The following LRRIQ3 variants were observed in gnomAD, a reference collection of about 807,000 sequenced individuals.
The protein encoded by LRRIQ3 is leucine rich repeats and IQ motif containing 3.
In LRRIQ3, 75 loss-of-function variants were observed where a neutral mutation model predicts 59.3. The ratio of observed to expected loss-of-function variants is 1.26; its 90% CI spans 1.05 to 1.53. LRRIQ3 has a LOEUF of 1.53. Among genes scored for constraint, LRRIQ3 ranks in the 40% most tolerant of loss-of-function variants. The pLI is 0.00. For missense variants in LRRIQ3, 831 were observed against 710.0 expected (o/e 1.17, Z -1.94); for synonymous variants, 250 against 231.3 (o/e 1.08, Z -0.73).
intron 4 of LRRIQ3, chr1:74,144,506 C>T (rs1348747907): frequency 7.2e-6 from 2 of 277,982 alleles, no homozygotes; most frequent in Non-Finnish European, 1.4e-5. Context: ...TTCTTGGACA[C>T]ATCTTCAAGC....
chr1:74,111,642 A>T (rs1016257829), intron 4 of LRRIQ3, among the ~76,000 whole-genome samples: 1 of 152,072 alleles, frequency 6.6e-6, no homozygotes, highest in African/African-American at 2.4e-5. Context: ...ATCTCTGGAA[A>T]TTGTCCAAAG....
intron 3 of LRRIQ3, among the ~76,000 whole-genome samples, chr1:74,162,995 G>C (rs1648750053): frequency 6.6e-6 from 1 of 151,552 alleles, no homozygotes; most frequent in African/African-American, 2.4e-5. Flanking sequence ...AAGGAAGATA[G>C]TGAATGTTCC....
At chr1:74,116,887 C>A (rs1169303839) in intron 4 of LRRIQ3, among the ~76,000 whole-genome samples, 1 of 151,902 alleles carries the variant, frequency 6.6e-6, no homozygotes, top group African/African-American at 2.4e-5. Context: ...TATAAAGACC[C>A]ATAATTCAAA....
At chr1:74,052,801 T>A (rs1654407672) in intron 6 of LRRIQ3, among the ~76,000 whole-genome samples, 1 of 152,186 alleles carries the variant, frequency 6.6e-6, no homozygotes, top group African/African-American at 2.4e-5. Context: ...TAATGTGTAT[T>A]ATATCTGACT....
intron 5 of LRRIQ3, among the ~76,000 whole-genome samples, chr1:74,095,640 A>G (rs1217535790): frequency 2.6e-5 from 4 of 152,114 alleles, no homozygotes; most frequent in Admixed American, 2.6e-4. Flanking sequence ...TTTTTTATGT[A>G]GACAGTATAT....
At chr1:74,184,072 T>C (rs1274666160) in intron 1 of LRRIQ3, among the ~76,000 whole-genome samples, 2 of 152,052 alleles carry the variant, frequency 1.3e-5, no homozygotes, top group African/African-American at 4.8e-5. Context: ...AAATATACTG[T>C]TAAAGAAATA....
chr1:74,071,014 T>C (rs1030346237), intron 6 of LRRIQ3, among the ~76,000 whole-genome samples: 2 of 127,410 alleles, frequency 1.6e-5, no homozygotes, highest in Admixed American at 8.3e-5. Flanking sequence ...GTCTTTGCTA[T>C]ATATACATAT....
At chr1:74,164,166 T>G (rs2100685701) in intron 3 of LRRIQ3, among the ~76,000 whole-genome samples, 1 of 151,474 alleles carries the variant, frequency 6.6e-6, no homozygotes, top group South Asian at 2.1e-4. Context: ...GTATACATTT[T>G]CTATATACTA....
chr1:74,056,997 C>A (rs1200725548), intron 6 of LRRIQ3, among the ~76,000 whole-genome samples: 1 of 152,124 alleles, frequency 6.6e-6, no homozygotes, highest in Non-Finnish European at 1.5e-5. Flanking sequence ...TAAGATGTAC[C>A]TTGCTTCCCC....
chr1:74,183,476 C>T lies in LRRIQ3; in HGVS notation c.209G>A (p.Ser70Asn), dbSNP rs375800779. 1.9e-6 allele frequency: 3 copies of T among 1,605,828 alleles called. No homozygotes were observed. Among genetic ancestry groups the T allele is most frequent in the Non-Finnish European group, 2.6e-6 (3 of 1,175,780 alleles). The change falls in exon 2 of 8, where the codon AGT becomes AAT. Residue 70 changes from serine (S) to asparagine (N), a missense_variant. Ser to Asn is a conservative substitution (Grantham distance 46). Coordinates refer to ENST00000354431, the MANE Select transcript of LRRIQ3 (RefSeq NM_001105659.2). ...ATCAAGTTTGATTAATTTTATACAA[C>T]TTTGAAGTGGATGAATATCTGTAAT... ...NFITDIHPLQ[S>N]CIKLIKLDLH...
At chr1:74,149,918 A>C (rs1194908979) in intron 4 of LRRIQ3, among the ~76,000 whole-genome samples, 1 of 152,236 alleles carries the variant, frequency 6.6e-6, no homozygotes, top group African/African-American at 2.4e-5. Flanking sequence ...TACAGGTGAC[A>C]AAGTGATCAG....
intron 6 of LRRIQ3, among the ~76,000 whole-genome samples, chr1:74,054,992 T>G (rs1258817302): frequency 6.8e-6 from 1 of 147,438 alleles, no homozygotes; most frequent in Non-Finnish European, 1.5e-5. Flanking sequence ...TATATAAAAT[T>G]TAAAAATATA....
At chr1:74,056,671 T>G (rs1654544387) in intron 6 of LRRIQ3, among the ~76,000 whole-genome samples, 1 of 151,974 alleles carries the variant, frequency 6.6e-6, no homozygotes, top group African/African-American at 2.4e-5. Flanking sequence ...AAGAAAATAT[T>G]TATATAACAT....
intron 4 of LRRIQ3, among the ~76,000 whole-genome samples, chr1:74,154,306 A>G (rs1171212783): frequency 6.7e-6 from 1 of 148,866 alleles, no homozygotes; most frequent in Non-Finnish European, 1.5e-5. Flanking sequence ...GTCAGGTGCT[A>G]AGAGCATTAT....
chr1:74,180,201 T>C (rs1649895262), intron 3 of LRRIQ3: 1 of 151,834 alleles, frequency 6.6e-6, no homozygotes, highest in African/African-American at 2.4e-5. Flanking sequence ...TGTTTTTTTC[T>C]TTTCTATTTA....
chr1:74,126,830 T>G (rs927604335), intron 4 of LRRIQ3, among the ~76,000 whole-genome samples: 2 of 151,984 alleles, frequency 1.3e-5, no homozygotes, highest in Non-Finnish European at 2.9e-5. Context: ...CAGCAGCCAC[T>G]GGATGAAATG....
intron 3 of LRRIQ3, among the ~76,000 whole-genome samples, chr1:74,170,604 C>T (rs1459345054): frequency 6.6e-6 from 1 of 151,996 alleles, no homozygotes; most frequent in East Asian, 1.9e-4. Context: ...AGTGTGATGC[C>T]TCCAGCTTTA....
At chr1:74,074,903 A>G (rs921062451) in intron 5 of LRRIQ3, 113 bp from the exon 6 acceptor site, 1 of 518,494 alleles carries the variant, frequency 1.9e-6, no homozygotes, top group Non-Finnish European at 3.0e-6. Flanking sequence ...TTAAAACATG[A>G]AAACAAAAAC....
At chr1:74,154,073 C>A (rs902635837) in intron 4 of LRRIQ3, among the ~76,000 whole-genome samples, 5 of 151,660 alleles carry the variant, frequency 3.3e-5, no homozygotes, top group African/African-American at 1.2e-4. Context: ...AACCCCGTCT[C>A]TACTAAAAAT....
Sources: gnomAD v4.1 joint callset for allele counts (sites outside exome capture counted in the v4.1 genomes callset) on GRCh38, gnomAD v4.1.1 for gene constraint, MANE v1.5 for transcripts, NCBI Gene and HGNC (gene_info 2026-07-23, HGNC 2026-07-21) for gene names.